The following CEP78 variants were observed in gnomAD, a reference collection of about 807,000 sequenced individuals.
The protein encoded by CEP78 is centrosomal protein of 78 kDa.
A neutral mutation model predicts 81.2 loss-of-function variants in CEP78; 76 were observed. The ratio of observed to expected loss-of-function variants is 0.94; its 90% CI spans 0.78 to 1.13. The LOEUF is 1.13. Among genes scored for constraint, CEP78 ranks in the 50% most tolerant of loss-of-function variants. The pLI is 0.00. For synonymous variants in CEP78, 293 were observed against 301.4 expected, an observed-to-expected ratio of 0.97 and a Z score of 0.29; for missense variants, 918 against 846.8, an observed-to-expected ratio of 1.08 and a Z score of -1.04.
intron 3 of CEP78, 40 bp from the exon 4 acceptor site, chr9:78,241,656 C>A: frequency 3.3e-6 from 3 of 914,872 alleles, no homozygotes; most frequent in Non-Finnish European, 3.5e-6. Flanking sequence ...GTTGTATATG[C>A]TCTTCATCTT....
rs761659035 is a variant in CEP78, at chr9:78,265,232, G to A, written c.1626-140G>A. 5.3e-4 allele frequency: 323 copies of A among 613,852 alleles called. 1 individual carries two copies. The highest frequency in any genetic ancestry group is 2.0e-4 in the Admixed American group (6 of 29,898). The allele number at this position is 613,852 out of a possible 1,614,324, so 38.0% of individuals were successfully genotyped here. On this transcript the variant is annotated intron_variant, in intron 13 of 16. Coordinates refer to ENST00000643273, the MANE Select transcript of CEP78 (RefSeq NM_001330691.3). Reference sequence around the variant, plus strand: ...TGGGAAGGTCTGAGAAATTGGGAGGGATGGGGGTGTAGTCTGGAGTAGGAT... The same window carrying A: ...TGGGAAGGTCTGAGAAATTGGGAGGAATGGGGGTGTAGTCTGGAGTAGGAT...
chr9:78,265,537 T>C lies in CEP78; in HGVS notation c.1791T>C (p.Asn597=). ...AGAATGCCCTAGGGCAAATGCAAAA[T>C]ATCCAGGTAAATGAATAGAACAGAA... ...PKQNALGQMQ[N]IQVSICMQSA... The change falls in exon 14 of 17, where the codon AAT becomes AAC. Residue 597 remains asparagine (N), a synonymous_variant. Coordinates refer to ENST00000643273, the MANE Select transcript of CEP78 (RefSeq NM_001330691.3). The C allele has an allele frequency of 6.4e-7, 1 of 1,564,506 alleles. No homozygotes were observed. Among genetic ancestry groups the C allele is most frequent in the Non-Finnish European group, 8.7e-7 (1 of 1,154,540 alleles).
Position 78,236,427 on chromosome 9 carries a change from A to G in CEP78, c.77A>G (p.Gln26Arg), listed in dbSNP as rs1275686754. ...FSHYEYLCAL[Q>R]NSVPLPAVRA... ...CACTACGAGTACCTGTGCGCGCTGC[A>G]GAACTCGGTGCCGCTGCCCGCCGTG... The change falls in exon 1 of 17, where the codon CAG (glutamine) becomes CGG (arginine). Residue 26 changes from glutamine to arginine, a missense_variant. By Grantham distance (43) the Gln-to-Arg change is conservative. Coordinates refer to ENST00000643273, the MANE Select transcript of CEP78 (RefSeq NM_001330691.3). 5 of 1,602,256 alleles carry G rather than the reference A, an allele frequency of 3.1e-6. No homozygotes were observed. Among genetic ancestry groups the G allele is most frequent in the East Asian group, 4.5e-5 (2 of 44,396 alleles).
chr9:78,260,317 T>C (rs961167975), intron 11 of CEP78, among the ~76,000 whole-genome samples: 21 of 151,556 alleles, frequency 1.4e-4, no homozygotes, highest in African/African-American at 4.9e-4. Context: ...TTTTATCTTA[T>C]AATGTTGAAA....
In CEP78 at chr9:78,278,294, T is replaced by G. The variant is rs766455768; in HGVS notation, c.*7443T>G. The stretch of plus-strand genomic sequence containing the variant: ...GTGTCTGACCTATTATCAATGTGAA[T>G]GAAAATGAGCTTTGCTACATAACCT... On this transcript the variant is annotated 3_prime_UTR_variant, in exon 17 of 17. Transcript: ENST00000643273. 1 of 152,250 alleles carries G rather than the reference T, an allele frequency of 6.6e-6. No individual in the cohort carries two copies. Among genetic ancestry groups the G allele is most frequent in the Non-Finnish European group, 1.5e-5 (1 of 68,042 alleles). The allele number at this position is 152,250 out of a possible 1,614,324, so 9.4% of individuals were successfully genotyped here.
intron 5 of CEP78, among the ~76,000 whole-genome samples, chr9:78,244,134 CTTTTTTTTT>C (rs971743733): frequency 1.8e-5 from 2 of 110,776 alleles, no homozygotes; most frequent in Admixed American, 9.3e-5. Flanking sequence ...ATTGAAGTTA[CTTTTTTTTT>C]TTTTTTTTTT....
At position 78,266,444 on chromosome 9, in the gene CEP78, T is replaced by G. The variant is rs1827535412; in HGVS notation, c.1848T>G (p.Phe616Leu). 1 of 1,580,190 alleles carries G rather than the reference T, an allele frequency of 6.3e-7. No individual in the cohort carries two copies. The highest frequency in any genetic ancestry group is 1.4e-5 in the African/African-American group (1 of 73,272). The change falls in exon 16 of 17, where the codon TTT becomes TTG. Residue 616 changes from phenylalanine to leucine, a missense_variant and splice_region_variant. Coordinates refer to ENST00000643273, the MANE Select transcript of CEP78 (RefSeq NM_001330691.3). ...TTTTGTTTTGTTTTTCCTTCTAGTT[T>G]CAGAAAATTACAGGTGATGCTAGAA... is the stretch of plus-strand genomic sequence containing the variant. ...SAYNEGTLMK[F>L]QKITGDARIP...
At position 78,251,966 on chromosome 9, in the gene CEP78, T is replaced by C. The variant is rs1826785222; in HGVS notation, c.1128T>C (p.Tyr376=). The change falls in exon 9 of 17, where the codon TAT becomes TAC. Residue 376 remains tyrosine (Y), a synonymous_variant. Transcript: ENST00000643273. ...SGRKHSLGKE[Y]YAPAPLPPGV... ...GAAAACACTCCCTTGGTAAAGAATATTATGCGCCCGCACCTCTTCCACCTG... is the reference window on the plus strand; with the variant it reads ...GAAAACACTCCCTTGGTAAAGAATACTATGCGCCCGCACCTCTTCCACCTG... The C allele has an allele frequency of 6.2e-7, 1 of 1,608,704 alleles. No homozygotes were observed. The highest frequency in any genetic ancestry group is 8.5e-7 in the Non-Finnish European group (1 of 1,176,534).
At position 78,265,395 on chromosome 9, in the gene CEP78, C is replaced by T; in HGVS notation, c.1649C>T (p.Ala550Val). 6.2e-7 allele frequency: 1 copy of T among 1,605,614 alleles called. No individual in the cohort carries two copies. Among genetic ancestry groups the T allele is most frequent in the Non-Finnish European group, 8.5e-7 (1 of 1,176,734 alleles). Residue 550 changes from alanine to valine, a missense_variant, in exon 14 of 17, where the codon GCT (alanine) becomes GTT (valine). By Grantham distance (64) the Ala-to-Val change is moderately conservative (BLOSUM62 0). Transcript: ENST00000643273. ...DAGLGQLATM[A>V]GIDQSDFQLL... Reference sequence around the variant, plus strand: ...AGGCTTGGGCAGCTTGCCACAATGGCTGGGATAGATCAGTCAGATTTTCAA... The same window carrying T: ...AGGCTTGGGCAGCTTGCCACAATGGTTGGGATAGATCAGTCAGATTTTCAA...
In CEP78 at chr9:78,278,025, C is replaced by T. The variant is rs963506999; in HGVS notation, c.*7174C>T. The T allele has an allele frequency of 3.3e-5, 5 of 152,038 alleles. No individual in the cohort carries two copies. The highest frequency in any genetic ancestry group is 1.9e-4 in the East Asian group (1 of 5,196). The allele number at this position is 152,038 out of a possible 1,614,324, so 9.4% of individuals were successfully genotyped here. A position where few individuals can be genotyped will look rare whatever the true frequency, so the allele number is the denominator to read the frequency against. On this transcript the variant is annotated 3_prime_UTR_variant, in exon 17 of 17. Coordinates refer to ENST00000643273, the MANE Select transcript of CEP78 (RefSeq NM_001330691.3). ...TGTTTACCTATACGTAGCATATATG[C>T]GTGTGTGCACCCTAGAAAAGAGTCT...
chr9:78,244,108 A>G (rs1036848409), intron 5 of CEP78, among the ~76,000 whole-genome samples: 57 of 144,812 alleles, frequency 3.9e-4, no homozygotes, highest in African/African-American at 1.4e-3. Context: ...CTCCTTATGT[A>G]TACATCTCTG....
intron 11 of CEP78, 34 bp from the exon 12 acceptor site, chr9:78,262,873 T>A: frequency 7.8e-7 from 1 of 1,285,674 alleles, no homozygotes; most frequent in Non-Finnish European, 1.1e-6. Flanking sequence ...TATTGGGAAT[T>A]AATTATAATA....
chr9:78,260,933 G>A (rs923260001), intron 11 of CEP78, among the ~76,000 whole-genome samples: 7 of 151,862 alleles, frequency 4.6e-5, no homozygotes, highest in South Asian at 2.1e-4. Flanking sequence ...GAACTTTTGC[G>A]TTGGAGAATA....
Position 78,254,860 on chromosome 9 carries a change from A to G in CEP78, c.1276A>G (p.Thr426Ala), listed in dbSNP as rs750246359. 6.2e-7 allele frequency: 1 copy of G among 1,611,192 alleles called. No homozygotes were observed. Among genetic ancestry groups the G allele is most frequent in the South Asian group, 1.1e-5 (1 of 90,868 alleles). Reference sequence around the variant, plus strand: ...GCAACCAGGTTTTCCTGTGACTGTGACAGTAGAGAGTCCTTCATCCTCTGA... The same window carrying G: ...GCAACCAGGTTTTCCTGTGACTGTGGCAGTAGAGAGTCCTTCATCCTCTGA... The part of the protein sequence containing the change: ...LQQPGFPVTV[T>A]VESPSSSEVE... Residue 426 changes from threonine to alanine, a missense_variant, in exon 11 of 17, where the codon ACA becomes GCA. Coordinates refer to ENST00000643273, the MANE Select transcript of CEP78 (RefSeq NM_001330691.3).
chr9:78,269,408 T>G (rs1323152966), intron 16 of CEP78, among the ~76,000 whole-genome samples: 1 of 152,192 alleles, frequency 6.6e-6, no homozygotes, highest in South Asian at 2.1e-4. Flanking sequence ...GATGATTGGA[T>G]GTACATATGA....
rs920606109 is a variant in CEP78 at position 78,253,131 on chromosome 9, T to C, written c.1206-101T>C. 11 of 690,224 alleles carry C rather than the reference T, an allele frequency of 1.6e-5. No individual in the cohort carries two copies. In the East Asian group the frequency reaches 1.9e-4, roughly 12 times the overall value. The allele number at this position is 690,224 out of a possible 1,614,324, so 42.8% of individuals were successfully genotyped here. A position where few individuals can be genotyped will look rare whatever the true frequency, so the allele number is the denominator to read the frequency against. The stretch of plus-strand genomic sequence containing the variant: ...AGTGATTTATCTCTATGCACAGTTA[T>C]GTATGGATAGTATACATAATACTAG... On this transcript the variant is annotated intron_variant, in intron 9 of 16. Transcript: ENST00000643273.
At chr9:78,246,915 T>C in intron 6 of CEP78, 133 bp downstream of exon 6, 1 of 527,346 alleles carries the variant, frequency 1.9e-6, no homozygotes, top group Non-Finnish European at 3.3e-6. Context: ...CACTTTCTTA[T>C]GTTTTTAGTA....
rs1016234216 is a variant in CEP78, at chr9:78,271,078, G to A, written c.*227G>A. ...GGGAGCTCTGACCCAAGAAATGCTGGGATCGGAGAATAAGGGAATTATCCA... is the reference window on the plus strand; with the variant it reads ...GGGAGCTCTGACCCAAGAAATGCTGAGATCGGAGAATAAGGGAATTATCCA... On this transcript the variant is annotated 3_prime_UTR_variant, in exon 17 of 17. Coordinates refer to ENST00000643273, the MANE Select transcript of CEP78 (RefSeq NM_001330691.3). 3 of 446,138 alleles carry A rather than the reference G, an allele frequency of 6.7e-6. No homozygotes were observed. Among genetic ancestry groups the A allele is most frequent in the African/African-American group, 4.1e-5 (2 of 48,790 alleles). The allele number at this position is 446,138 out of a possible 1,614,324, so 27.6% of individuals were successfully genotyped here. A position where few individuals can be genotyped will look rare whatever the true frequency, so the allele number is the denominator to read the frequency against.
intron 11 of CEP78, among the ~76,000 whole-genome samples, chr9:78,259,843 G>A (rs1350148803): frequency 1.3e-5 from 2 of 152,186 alleles, no homozygotes; most frequent in Non-Finnish European, 2.9e-5. Flanking sequence ...GTACTAATTA[G>A]TAAGCAAAGA....
Sources: allele counts gnomAD v4.1 joint callset (sites outside exome capture counted in the v4.1 genomes callset), GRCh38; gene constraint gnomAD v4.1.1; transcripts MANE v1.5; gene names NCBI Gene and HGNC (gene_info 2026-07-23, HGNC 2026-07-21).